The following PTPRO variants were observed in gnomAD, a reference collection of about 807,000 sequenced individuals.
PTPRO encodes protein tyrosine phosphatase receptor type O.
A neutral mutation model predicts 145.2 loss-of-function variants in PTPRO; 62 were observed. The ratio of observed to expected loss-of-function variants is 0.43; its 90% CI spans 0.35 to 0.53. The LOEUF (loss-of-function observed/expected upper bound fraction) is 0.53. PTPRO is among the 20% of genes least tolerant of loss of function. PTPRO has a pLI of 0.01. For synonymous variants in PTPRO, 565 were observed against 514.7 expected (o/e 1.10, Z -1.32); for missense variants, 1,345 against 1,482.7 (o/e 0.91, Z 1.53).
intron 1 of PTPRO, among the ~76,000 whole-genome samples, chr12:15,432,913 C>T (rs1330425188): frequency 6.6e-6 from 1 of 152,098 alleles, no homozygotes; most frequent in African/African-American, 2.4e-5. Flanking sequence ...TTGTCAGATA[C>T]ACAGTTTGCA....
At chr12:15,496,060 T>C (rs1264459059) in intron 2 of PTPRO, among the ~76,000 whole-genome samples, 1 of 152,042 alleles carries the variant, frequency 6.6e-6, no homozygotes, top group Non-Finnish European at 1.5e-5. Flanking sequence ...TATAACTATA[T>C]GTGACTCAGA....
intron 9 of PTPRO, among the ~76,000 whole-genome samples, chr12:15,517,573 A>G (rs1012006626): frequency 6.6e-6 from 1 of 152,212 alleles, no homozygotes; most frequent in Admixed American, 6.5e-5. Context: ...CCTTCTGCCT[A>G]TGAGTCTGTA....
At chr12:15,478,818 C>T (rs989646676) in intron 1 of PTPRO, among the ~76,000 whole-genome samples, 1 of 152,028 alleles carries the variant, frequency 6.6e-6, no homozygotes, top group Non-Finnish European at 1.5e-5. Context: ...ACTACAGGTG[C>T]CCGCCACCAC....
At chr12:15,456,133 AG>A (rs1397355948) in intron 1 of PTPRO, among the ~76,000 whole-genome samples, 1 of 152,164 alleles carries the variant, frequency 6.6e-6, no homozygotes, top group Non-Finnish European at 1.5e-5. Context: ...TAGTATATTG[AG>A]TTAGTTTCCT....
At chr12:15,507,457 T>C (rs1324353231) in intron 6 of PTPRO, among the ~76,000 whole-genome samples, 8 of 110,818 alleles carry the variant, frequency 7.2e-5, no homozygotes, top group Non-Finnish European at 1.7e-4. Context: ...AAATAAGGAA[T>C]GAAATACGTA....
At chr12:15,414,167 G>T (rs563485021) in intron 1 of PTPRO, among the ~76,000 whole-genome samples, 2 of 152,170 alleles carry the variant, frequency 1.3e-5, no homozygotes, top group African/African-American at 4.8e-5. Flanking sequence ...AACATGTCAC[G>T]ACATACGTTT....
intron 7 of PTPRO, among the ~76,000 whole-genome samples, chr12:15,512,872 T>C (rs538149833): frequency 6.6e-6 from 1 of 151,992 alleles, no homozygotes; most frequent in East Asian, 1.9e-4. Flanking sequence ...CACACACATG[T>C]AATTCCAGCT....
intron 24 of PTPRO, among the ~76,000 whole-genome samples, chr12:15,587,787 G>A (rs1013257367): frequency 1.3e-5 from 2 of 152,206 alleles, no homozygotes; most frequent in East Asian, 1.9e-4. Flanking sequence ...GGACATAAAC[G>A]TGCTCCAATG....
chr12:15,463,389 A>G (rs1236026516), intron 1 of PTPRO, among the ~76,000 whole-genome samples: 2 of 152,350 alleles, frequency 1.3e-5, no homozygotes, highest in East Asian at 3.9e-4. Context: ...CCATAGCAAC[A>G]TATGATTTAT....
At chr12:15,416,326 T>C (rs979616599) in intron 1 of PTPRO, among the ~76,000 whole-genome samples, 10 of 11,264 alleles carry the variant, frequency 8.9e-4, no homozygotes, top group East Asian at 3.5e-3. Context: ...TCTCTCTTTC[T>C]TTTTTTTTTT....
At chr12:15,367,642 T>C (rs935268097) in intron 1 of PTPRO, among the ~76,000 whole-genome samples, 1 of 152,230 alleles carries the variant, frequency 6.6e-6, no homozygotes, top group Admixed American at 6.5e-5. Context: ...GACCTGAAAC[T>C]GGGCTTCTCA....
chr12:15,589,497 G>C lies in PTPRO; in HGVS notation c.3453G>C (p.Arg1151Ser). 2 of 1,614,152 alleles carry C rather than the reference G, an allele frequency of 1.2e-6. No homozygotes were observed. The highest frequency in any genetic ancestry group is 1.7e-6 in the Non-Finnish European group (2 of 1,180,004). Reference protein sequence around the residue: ...GRTGTFIALDRLLQHIRDHEF... With the variant: ...GRTGTFIALDSLLQHIRDHEF... ...CAGGAACATTCATTGCCCTGGACAG[G>C]CTCTTGCAGCACATTCGGGATCATG... The change falls in exon 25 of 27, where the codon AGG becomes AGC. Residue 1151 changes from arginine (R) to serine (S), a missense_variant. Around this residue, in one of 3 missense-constraint regions of PTPRO, gnomAD observed 208 missense variants for 242.8 expected, o/e 0.86. Coordinates refer to ENST00000281171, the MANE Select transcript of PTPRO (RefSeq NM_030667.3).
chr12:15,591,314 T>A (rs1030596142), intron 25 of PTPRO, among the ~76,000 whole-genome samples: 2 of 151,964 alleles, frequency 1.3e-5, no homozygotes, highest in Admixed American at 6.6e-5. Flanking sequence ...GAGGTTGCAA[T>A]GAGCTGACAT....
At chr12:15,415,086 G>A (rs1352344101) in intron 1 of PTPRO, among the ~76,000 whole-genome samples, 1 of 152,164 alleles carries the variant, frequency 6.6e-6, no homozygotes, top group East Asian at 1.9e-4. Context: ...GCATAGCAAA[G>A]GTGGAGGGGC....
intron 1 of PTPRO, among the ~76,000 whole-genome samples, chr12:15,410,940 A>G (rs1400566212): frequency 3.3e-5 from 5 of 152,190 alleles, no homozygotes; most frequent in African/African-American, 1.2e-4. Context: ...TAGACAATTA[A>G]CTTCCTAAAG....
chr12:15,580,576 G>C, intron 21 of PTPRO, 121 bp from the exon 22 acceptor site: 1 of 1,110,800 alleles, frequency 9.0e-7, no homozygotes, highest in South Asian at 1.3e-5. Flanking sequence ...CATTACATAG[G>C]TGTGTGATCC....
chr12:15,344,737 T>G (rs919308815), intron 1 of PTPRO, among the ~76,000 whole-genome samples: 1 of 152,208 alleles, frequency 6.6e-6, no homozygotes, highest in Non-Finnish European at 1.5e-5. Flanking sequence ...TCTGGGAGAT[T>G]GACAAGTTGC....
intron 1 of PTPRO, among the ~76,000 whole-genome samples, chr12:15,411,014 TA>T (rs746889522): frequency 2.0e-5 from 3 of 152,184 alleles, no homozygotes; most frequent in Non-Finnish European, 4.4e-5. Context: ...CTAAATGAAG[TA>T]AAATCTGAGG....
intron 1 of PTPRO, among the ~76,000 whole-genome samples, chr12:15,414,166 C>T (rs931110560): frequency 3.1e-4 from 47 of 152,180 alleles, no homozygotes; most frequent in African/African-American, 1.0e-3. Flanking sequence ...TAACATGTCA[C>T]GACATACGTT....
Sources: allele counts gnomAD v4.1 joint callset (sites outside exome capture counted in the v4.1 genomes callset), GRCh38; gene constraint gnomAD v4.1.1; regional missense constraint gnomAD v4.1.1; transcripts MANE v1.5; gene names NCBI Gene and HGNC (gene_info 2026-07-23, HGNC 2026-07-21).